Variants in MTM1 observed in about 807,000 individuals in gnomAD.
The protein encoded by MTM1 is myotubularin 1.
Under a neutral mutation model 52.1 loss-of-function variants are expected in MTM1, and 9 were observed. That is an observed-to-expected ratio of 0.17 (90% CI 0.10 to 0.30). The LOEUF (loss-of-function observed/expected upper bound fraction) is 0.30. Ranked by LOEUF, MTM1 falls within the 10% of genes least tolerant of loss-of-function variation. The pLI, the probability that MTM1 is intolerant of heterozygous loss-of-function variation, is 1.00. For missense variants in MTM1, 277 were observed against 470.7 expected (o/e 0.59, Z 3.81); for synonymous variants, 136 against 163.8 (o/e 0.83, Z 1.29).
intron 1 of MTM1, among the ~76,000 whole-genome samples, chrX:150,575,223 A>G (rs2038449634): frequency 8.9e-6 from 1 of 112,628 alleles, no homozygotes; most frequent in African/African-American, 3.2e-5. Flanking sequence ...GAGTCCCTAA[A>G]CAGAAGTTTC....
intron 7 of MTM1, 106 bp downstream of exon 7, chrX:150,639,132 ATATCTTT>A: frequency 1.5e-6 from 1 of 654,126 alleles, no homozygotes; most frequent in Non-Finnish European, 2.6e-6. Context: ...TCCTTGCTAA[ATATCTTT>A]TCAATGGTGG....
At chrX:150,631,625 T>C (rs1003965173) in intron 6 of MTM1, among the ~76,000 whole-genome samples, 117 of 84,416 alleles carry the variant, frequency 1.4e-3, no homozygotes, top group Non-Finnish European at 2.1e-3. Flanking sequence ...ATTGCTCCAC[T>C]GCACTCCAGC....
intron 6 of MTM1, among the ~76,000 whole-genome samples, chrX:150,625,828 TTA>T (rs782690883): frequency 8.9e-5 from 10 of 112,782 alleles, no homozygotes; most frequent in Non-Finnish European, 1.9e-4. Flanking sequence ...TTTGACCTTC[TTA>T]TGTCAGTCAG....
intron 2 of MTM1, among the ~76,000 whole-genome samples, chrX:150,593,044 A>T (rs886298159): frequency 2.5e-4 from 28 of 111,819 alleles, no homozygotes; most frequent in African/African-American, 8.8e-4. Context: ...GGGTTTCGCC[A>T]TGTTGGCCAG....
intron 4 of MTM1, among the ~76,000 whole-genome samples, chrX:150,614,320 C>T (rs1456916073): frequency 4.5e-5 from 5 of 112,001 alleles, no homozygotes; most frequent in Admixed American, 2.8e-4. Flanking sequence ...AGTGATATCA[C>T]GGACGTCCTG....
intron 6 of MTM1, among the ~76,000 whole-genome samples, chrX:150,623,613 AGG>A (rs2039518879): frequency 9.0e-6 from 1 of 111,045 alleles, no homozygotes; most frequent in African/African-American, 3.3e-5. Context: ...AAGAGAGAGA[AGG>A]GATCTTTTCT....
At chrX:150,645,946 A>G in intron 9 of MTM1, 75 bp downstream of exon 9, 3 of 982,042 alleles carry the variant, frequency 3.1e-6, no homozygotes, top group Non-Finnish European at 4.4e-6. Flanking sequence ...TGTTTTTGCC[A>G]TGATATAGAA....
chrX:150,655,121 C>T (rs1443438937), intron 10 of MTM1, among the ~76,000 whole-genome samples: 1 of 109,864 alleles, frequency 9.1e-6, no homozygotes, highest in South Asian at 3.9e-4. Flanking sequence ...GTCAGGAGAT[C>T]GAGACCATCC....
At chrX:150,582,404 ATTG>A (rs782480481) in intron 1 of MTM1, among the ~76,000 whole-genome samples, 7 of 111,923 alleles carry the variant, frequency 6.3e-5, no homozygotes, top group Non-Finnish European at 1.3e-4. Context: ...CATTTTATAG[ATTG>A]TTAATTTCTG....
At chrX:150,661,456 G>T (rs1246359257) in intron 13 of MTM1, among the ~76,000 whole-genome samples, 1 of 111,971 alleles carries the variant, frequency 8.9e-6, no homozygotes, top group Non-Finnish European at 1.9e-5. Flanking sequence ...TAAAGGAAAT[G>T]AAATCATCAT....
chrX:150,600,376 C>T (rs1211934832), intron 4 of MTM1, among the ~76,000 whole-genome samples: 1 of 111,916 alleles, frequency 8.9e-6, no homozygotes, highest in Non-Finnish European at 1.9e-5. Context: ...TTAACGGATC[C>T]AAGCTTATTT....
intron 1 of MTM1, among the ~76,000 whole-genome samples, chrX:150,588,181 A>G (rs782198032): frequency 8.9e-6 from 1 of 112,376 alleles, no homozygotes; most frequent in Non-Finnish European, 1.9e-5. Context: ...AAGTCTCAGT[A>G]TGTTTCCATA....
intron 5 of MTM1, among the ~76,000 whole-genome samples, chrX:150,615,864 T>C (rs1244611219): frequency 1.8e-5 from 2 of 111,847 alleles, no homozygotes; most frequent in Non-Finnish European, 3.8e-5. Flanking sequence ...TGGTGGTGTT[T>C]TAATTCGAGC....
intron 11 of MTM1, among the ~76,000 whole-genome samples, chrX:150,659,111 C>T (rs2040177007): frequency 8.9e-6 from 1 of 111,988 alleles, no homozygotes; most frequent in Non-Finnish European, 1.9e-5. Flanking sequence ...CCTCAGCCTC[C>T]CAAAATGCTG....
At chrX:150,584,113 T>C (rs1392057358) in intron 1 of MTM1, among the ~76,000 whole-genome samples, 1 of 102,067 alleles carries the variant, frequency 9.8e-6, no homozygotes, top group Non-Finnish European at 2.0e-5. Context: ...ACGGTTCTTA[T>C]ATGCATGCTA....
intron 1 of MTM1, among the ~76,000 whole-genome samples, 174 bp downstream of exon 1, chrX:150,568,836 G>T (rs2038308146): frequency 8.8e-6 from 1 of 113,276 alleles, no homozygotes; most frequent in Non-Finnish European, 1.9e-5. Flanking sequence ...GTCCCCGCGG[G>T]GCAGGGCTGA....
chrX:150,611,684 C>T (rs782256728), intron 4 of MTM1, among the ~76,000 whole-genome samples: 9 of 111,215 alleles, frequency 8.1e-5, no homozygotes, highest in Non-Finnish European at 1.7e-4. Context: ...TGCTTTTGTG[C>T]ACAGTTCTGT....
intron 14 of MTM1, among the ~76,000 whole-genome samples, chrX:150,666,266 CTCT>C (rs1424638355): frequency 4.5e-5 from 5 of 112,225 alleles, no homozygotes; most frequent in African/African-American, 1.6e-4. Context: ...ATGGACTCTT[CTCT>C]TCTTTTACCT....
In MTM1 at chrX:150,650,500, A is replaced by G. The variant is rs149848976; in HGVS notation, c.1053+599A>G. On this transcript the variant is annotated intron_variant, in intron 10 of 14. Transcript: ENST00000370396. The stretch of plus-strand genomic sequence containing the variant: ...ATTATTAAGATATATTCTCTAGTCA[A>G]ATTTTGTTTTCCAACTTACCCTTCA... 2.0e-3 allele frequency among the ~76,000 whole-genome samples: 224 copies of G among 111,315 alleles called. 3 individuals are homozygous for G. The highest frequency in any genetic ancestry group is 0.019 in the Middle Eastern group (4 of 214).
Sources: gnomAD v4.1 joint callset for allele counts (sites outside exome capture counted in the v4.1 genomes callset) on GRCh38, gnomAD v4.1.1 for gene constraint, MANE v1.5 for transcripts, NCBI Gene and HGNC (gene_info 2026-07-23, HGNC 2026-07-21) for gene names.